Variants in SPRY3 observed in about 807,000 individuals in gnomAD.
SPRY3 encodes the protein protein sprouty homolog 3.
A neutral mutation model predicts 20.2 loss-of-function variants in SPRY3; 15 were observed. The observed-to-expected ratio is 0.74, with a 90% confidence interval of 0.50 to 1.14. SPRY3 has a LOEUF of 1.14. SPRY3 is among the 50% of genes most tolerant of loss of function. The pLI, the probability that SPRY3 is intolerant of heterozygous loss-of-function variation, is 0.00. For synonymous variants in SPRY3, 143 were observed against 136.5 expected, an observed-to-expected ratio of 1.05 and a Z score of -0.33; for missense variants, 364 against 363.9, an observed-to-expected ratio of 1.00 and a Z score of 0.00.
chrX:155,714,418 T>C (rs2091007271), intron 2 of SPRY3, among the ~76,000 whole-genome samples: 1 of 152,196 alleles, frequency 6.6e-6, no homozygotes, highest in African/African-American at 2.4e-5. Flanking sequence ...TGCAGACTCA[T>C]AGAGGTACCA....
Position 155,647,900 on chromosome X carries a change from G to A in SPRY3, c.-440-8967G>A, listed in dbSNP as rs186801435. Reference sequence around the variant, plus strand: ...TGCCACACTGTCTTCCACAATGGTCGAACTAATTACCCTCCCACCAACAGT... The same window carrying A: ...TGCCACACTGTCTTCCACAATGGTCAAACTAATTACCCTCCCACCAACAGT... On this transcript the variant is annotated intron_variant, in intron 1 of 3. Transcript: ENST00000675360. Among the ~76,000 whole-genome samples, 63 of 111,545 alleles carry A rather than the reference G, an allele frequency of 5.6e-4. 2 individuals carry two copies. Among genetic ancestry groups the A allele is most frequent in the South Asian group, 4.1e-3 (11 of 2,655 alleles).
At chrX:155,707,125 T>C (rs1240895282) in intron 2 of SPRY3, among the ~76,000 whole-genome samples, 1 of 151,186 alleles carries the variant, frequency 6.6e-6, no homozygotes, top group Non-Finnish European at 1.5e-5. Flanking sequence ...ATAAAGAGTT[T>C]AAAGTATAAA....
At chrX:155,763,856 C>G (rs775883166) in intron 2 of SPRY3, among the ~76,000 whole-genome samples, 1 of 152,308 alleles carries the variant, frequency 6.6e-6, no homozygotes, top group South Asian at 2.1e-4. Context: ...TAGATATACT[C>G]TCCCTTCTTT....
intron 2 of SPRY3, among the ~76,000 whole-genome samples, chrX:155,767,442 T>C (rs2091339962): frequency 6.6e-6 from 1 of 152,038 alleles, no homozygotes; most frequent in African/African-American, 2.4e-5. Context: ...ACTGGCGGTA[T>C]CTATTGCTCC....
intron 2 of SPRY3, among the ~76,000 whole-genome samples, chrX:155,709,978 T>C (rs1249150776): frequency 6.6e-6 from 1 of 151,706 alleles, no homozygotes; most frequent in African/African-American, 2.4e-5. Flanking sequence ...TGTAGGTATG[T>C]GGATTTGTTT....
chrX:155,774,743 C>T (rs1188122327), exon 4 of SPRY3: 1 of 1,604,700 alleles, frequency 6.2e-7, no homozygotes, highest in South Asian at 1.1e-5. Context: ...GTATGACCTT[C>T]CAACAAGGTG....
exon 4 of SPRY3, chrX:155,774,828 A>G: frequency 1.4e-6 from 2 of 1,436,944 alleles, no homozygotes; most frequent in Non-Finnish European, 1.9e-6. Context: ...GAGGAGTGAT[A>G]AACTAGCCAA....
chrX:155,699,066 TTAAG>T (rs1378007400), intron 2 of SPRY3, among the ~76,000 whole-genome samples: 3 of 111,914 alleles, frequency 2.7e-5, no homozygotes, highest in East Asian at 2.8e-4. Flanking sequence ...GTGCTAAGAT[TTAAG>T]TAAGAAAAAA....
exon 4 of SPRY3, chrX:155,776,309 C>A (rs1449658641): frequency 6.0e-6 from 1 of 167,106 alleles, no homozygotes; most frequent in African/African-American, 2.4e-5. Context: ...CAAGCTGTAT[C>A]TTCGCCATTG....
intron 2 of SPRY3, among the ~76,000 whole-genome samples, chrX:155,680,655 A>G (rs2068071844): frequency 9.0e-6 from 1 of 111,640 alleles, no homozygotes; most frequent in Non-Finnish European, 1.9e-5. Context: ...ATACAGGCAT[A>G]CTTAATTTTA....
At chrX:155,748,299 A>G (rs1272495967) in intron 2 of SPRY3, among the ~76,000 whole-genome samples, 3 of 151,930 alleles carry the variant, frequency 2.0e-5, no homozygotes, top group Non-Finnish European at 4.4e-5. Context: ...AAGTAGTTTA[A>G]TGATGAAATC....
At chrX:155,655,577 G>A (rs1557352926) in intron 1 of SPRY3, among the ~76,000 whole-genome samples, 1 of 111,616 alleles carries the variant, frequency 9.0e-6, no homozygotes, top group African/African-American at 3.3e-5. Flanking sequence ...TGCGTATGAT[G>A]ATTAAATAGT....
chrX:155,636,442 C>G (rs993709480), intron 1 of SPRY3, among the ~76,000 whole-genome samples: 34 of 111,664 alleles, frequency 3.0e-4, no homozygotes, highest in African/African-American at 1.1e-3. Context: ...CCAGGTAACA[C>G]AAAATGGGCT....
intron 2 of SPRY3, among the ~76,000 whole-genome samples, chrX:155,743,386 G>A (rs1328127455): frequency 6.6e-6 from 1 of 152,034 alleles, no homozygotes; most frequent in Non-Finnish European, 1.5e-5. Context: ...AAGAGCTTCT[G>A]TTAGACTAGA....
At chrX:155,741,450 A>G (rs2091204043) in intron 2 of SPRY3, among the ~76,000 whole-genome samples, 1 of 152,148 alleles carries the variant, frequency 6.6e-6, no homozygotes, top group South Asian at 2.1e-4. Context: ...TCCAGAAGAA[A>G]TTCCCCAACC....
At chrX:155,731,969 T>C (rs2091135753) in intron 2 of SPRY3, among the ~76,000 whole-genome samples, 1 of 152,004 alleles carries the variant, frequency 6.6e-6, no homozygotes, top group Non-Finnish European at 1.5e-5. Flanking sequence ...ATCATTCTAT[T>C]TATAGCATTC....
chrX:155,686,267 C>A (rs776845841), intron 2 of SPRY3, among the ~76,000 whole-genome samples: 9 of 110,920 alleles, frequency 8.1e-5, no homozygotes, highest in Non-Finnish European at 1.7e-4. Flanking sequence ...CATCTATTGT[C>A]CTTTCCCATG....
At chrX:155,614,988 T>G (rs144495130) in intron 1 of SPRY3, among the ~76,000 whole-genome samples, 1 of 111,886 alleles carries the variant, frequency 8.9e-6, no homozygotes, top group Non-Finnish European at 1.9e-5. Context: ...AATCTGCTCA[T>G]GCATTTGTCC....
intron 2 of SPRY3, among the ~76,000 whole-genome samples, chrX:155,725,113 G>T (rs1238045401): frequency 6.6e-6 from 1 of 152,154 alleles, no homozygotes. Context: ...TTACGTGATG[G>T]ATTACATTTA....
Sources: allele counts gnomAD v4.1 joint callset (sites outside exome capture counted in the v4.1 genomes callset), GRCh38; gene constraint gnomAD v4.1.1; transcripts MANE v1.5; gene names NCBI Gene and HGNC (gene_info 2026-07-23, HGNC 2026-07-21).